NCALD: variants seen among roughly 807,000 people sequenced by gnomAD.
NCALD encodes the protein neurocalcin delta.
NCALD carries 10 observed loss-of-function variants against 18.6 expected under a neutral mutation model. The observed-to-expected ratio is 0.54, with a 90% CI of 0.33 to 0.91. The LOEUF (loss-of-function observed/expected upper bound fraction) is 0.91. Ranked by LOEUF, NCALD falls within the 40% of genes least tolerant of loss-of-function variation. The probability of loss-of-function intolerance (pLI) is 0.03; values close to 1 mark genes in which losing one functional copy is unlikely to be tolerated. For synonymous variants in NCALD, 88 were observed against 87.4 expected, an observed-to-expected ratio of 1.01 and a Z score of -0.04; for missense variants, 184 against 247.6, an observed-to-expected ratio of 0.74 and a Z score of 1.72.
At chr8:101,782,994 A>G (rs1330997470) in intron 1 of NCALD, among the ~76,000 whole-genome samples, 1 of 152,212 alleles carries the variant, frequency 6.6e-6, no homozygotes, top group African/African-American at 2.4e-5. Context: ...CTTAGCTGAA[A>G]TATCTTGGAT....
intron 1 of NCALD, among the ~76,000 whole-genome samples, chr8:101,762,138 C>G (rs775323038): frequency 2.6e-4 from 40 of 152,124 alleles, no homozygotes; most frequent in Non-Finnish European, 4.6e-4. Context: ...GAATCAATAT[C>G]CCGACTAATA....
At chr8:101,740,076 C>T (rs1334442755) in intron 1 of NCALD, among the ~76,000 whole-genome samples, 3 of 152,098 alleles carry the variant, frequency 2.0e-5, no homozygotes, top group Non-Finnish European at 4.4e-5. Flanking sequence ...TTATTAAAAC[C>T]CAATTTTGTC....
chr8:101,810,812 C>A (rs1402225556), intron 4 of NCALD, among the ~76,000 whole-genome samples: 1 of 151,996 alleles, frequency 6.6e-6, no homozygotes, highest in African/African-American at 2.4e-5. Context: ...AACCCTTACA[C>A]AGATTTATAT....
chr8:101,886,215 G>A (rs947399217), intron 4 of NCALD, among the ~76,000 whole-genome samples: 1 of 152,248 alleles, frequency 6.6e-6, no homozygotes, highest in Non-Finnish European at 1.5e-5. Context: ...ACATCCAGGT[G>A]AGTCATGTTG....
chr8:101,888,977 T>C (rs1396645576), intron 3 of NCALD, among the ~76,000 whole-genome samples: 1 of 152,050 alleles, frequency 6.6e-6, no homozygotes, highest in African/African-American at 2.4e-5. Flanking sequence ...GGCAGGAATT[T>C]GCCATGTTAT....
At chr8:102,111,318 G>T (rs575405760) in intron 1 of NCALD, among the ~76,000 whole-genome samples, 1 of 152,116 alleles carries the variant, frequency 6.6e-6, no homozygotes, top group Admixed American at 6.5e-5. Flanking sequence ...GGCTTCCAAA[G>T]GGTGAGGCGG....
At chr8:101,753,167 T>C (rs897453492) in intron 1 of NCALD, among the ~76,000 whole-genome samples, 1 of 152,160 alleles carries the variant, frequency 6.6e-6, no homozygotes, top group Non-Finnish European at 1.5e-5. Context: ...AAAGAGGTGG[T>C]TGCATCCGAA....
At chr8:101,816,129 G>A (rs1813485589) in intron 4 of NCALD, among the ~76,000 whole-genome samples, 1 of 152,142 alleles carries the variant, frequency 6.6e-6, no homozygotes, top group Admixed American at 6.6e-5. Flanking sequence ...GTGGTTTCCA[G>A]AGGGTCAGAG....
At chr8:102,014,785 C>A (rs868577252) in intron 2 of NCALD, among the ~76,000 whole-genome samples, 1 of 151,898 alleles carries the variant, frequency 6.6e-6, no homozygotes, top group Admixed American at 6.6e-5. Context: ...AATACAAAGT[C>A]GACTGCAAAA....
chr8:102,050,277 G>A (rs1352067543), intron 1 of NCALD, among the ~76,000 whole-genome samples: 1 of 149,208 alleles, frequency 6.7e-6, no homozygotes, highest in African/African-American at 2.5e-5. Flanking sequence ...AGTGTTTTTC[G>A]AAGATTTCTT....
intron 1 of NCALD, among the ~76,000 whole-genome samples, chr8:101,759,765 T>C (rs943469362): frequency 6.6e-6 from 1 of 152,018 alleles, no homozygotes; most frequent in African/African-American, 2.4e-5. Context: ...GTGCAAAAAA[T>C]ATAAAAATGT....
At chr8:101,959,412 C>T (rs1408697270) in intron 2 of NCALD, among the ~76,000 whole-genome samples, 1 of 152,068 alleles carries the variant, frequency 6.6e-6, no homozygotes, top group Non-Finnish European at 1.5e-5. Flanking sequence ...GCAGACACAC[C>T]AGAGTAAATT....
At chr8:101,859,189 C>T (rs1359119720) in intron 4 of NCALD, among the ~76,000 whole-genome samples, 1 of 152,122 alleles carries the variant, frequency 6.6e-6, no homozygotes, top group African/African-American at 2.4e-5. Context: ...CATCTTTCTC[C>T]CGTGCCAGAT....
intron 1 of NCALD, among the ~76,000 whole-genome samples, chr8:102,059,451 T>A (rs1481004124): frequency 6.6e-6 from 1 of 152,258 alleles, no homozygotes; most frequent in Non-Finnish European, 1.5e-5. Context: ...CAGTCCCTGA[T>A]ATTTGAACGA....
intron 3 of NCALD, among the ~76,000 whole-genome samples, chr8:101,888,409 T>G (rs1486027654): frequency 6.6e-6 from 1 of 151,980 alleles, no homozygotes; most frequent in East Asian, 1.9e-4. Flanking sequence ...ATTTATTTAT[T>G]TATTTATTTA....
chr8:101,753,339 A>G (rs576673101), intron 1 of NCALD, among the ~76,000 whole-genome samples: 4 of 152,312 alleles, frequency 2.6e-5, no homozygotes, highest in African/African-American at 7.2e-5. Flanking sequence ...ACAAAGGCCA[A>G]TGTGAATTTA....
At chr8:101,973,225 T>G (rs1010808175) in intron 2 of NCALD, among the ~76,000 whole-genome samples, 2 of 152,180 alleles carry the variant, frequency 1.3e-5, no homozygotes, top group African/African-American at 4.8e-5. Flanking sequence ...CATCCCAGGA[T>G]CCCATCTAGG....
intron 2 of NCALD, among the ~76,000 whole-genome samples, chr8:101,715,252 G>T (rs1816020796): frequency 6.6e-6 from 1 of 152,114 alleles, no homozygotes; most frequent in African/African-American, 2.4e-5. Flanking sequence ...TTAATAAATG[G>T]TGTTAGGAAA....
chr8:101,954,187 C>A (rs1182289440), intron 2 of NCALD, among the ~76,000 whole-genome samples: 1 of 152,172 alleles, frequency 6.6e-6, no homozygotes, highest in Non-Finnish European at 1.5e-5. Flanking sequence ...CAGGAGCAAG[C>A]CTGTCTCTTA....
Sources: allele counts gnomAD v4.1 joint callset (sites outside exome capture counted in the v4.1 genomes callset), GRCh38; gene constraint gnomAD v4.1.1; transcripts MANE v1.5; gene names NCBI Gene and HGNC (gene_info 2026-07-23, HGNC 2026-07-21).